The following TECRL variants were observed in gnomAD, a reference collection of about 807,000 sequenced individuals.
TECRL encodes trans-2,3-enoyl-CoA reductase-like.
In TECRL, 63 loss-of-function variants were observed where a neutral mutation model predicts 52.8. That is an observed-to-expected ratio of 1.19 (90% CI 0.97 to 1.47). The LOEUF (loss-of-function observed/expected upper bound fraction) is 1.47, where lower values mean the gene tolerates loss of function less well. TECRL is among the 40% of genes most tolerant of loss of function. The pLI is 0.00. For synonymous variants in TECRL, 164 were observed against 141.9 expected (o/e 1.16, Z -1.10); for missense variants, 482 against 429.6 (o/e 1.12, Z -1.08).
chr4:64,395,464 A>AT (rs1723877446), intron 1 of TECRL, among the ~76,000 whole-genome samples: 1 of 152,152 alleles, frequency 6.6e-6, no homozygotes, highest in African/African-American at 2.4e-5. Flanking sequence ...AATGTGTTAT[A>AT]TTTAAGTACA....
At chr4:64,367,827 G>T (rs1236400684) in intron 2 of TECRL, among the ~76,000 whole-genome samples, 1 of 151,986 alleles carries the variant, frequency 6.6e-6, no homozygotes, top group African/African-American at 2.4e-5. Flanking sequence ...TCACAAAAAT[G>T]CTTTCACTCT....
chr4:64,289,669 A>G (rs773222212), intron 9 of TECRL, 41 bp downstream of exon 9: 4 of 1,357,856 alleles, frequency 2.9e-6, no homozygotes, highest in Non-Finnish European at 4.0e-6. Flanking sequence ...AATTGTTAAC[A>G]TAATTCACTC....
intron 2 of TECRL, among the ~76,000 whole-genome samples, chr4:64,363,524 G>A (rs1721349745): frequency 6.6e-6 from 1 of 152,072 alleles, no homozygotes; most frequent in African/African-American, 2.4e-5. Context: ...TGCTGTGTCT[G>A]GTTTCCATTG....
intron 1 of TECRL, among the ~76,000 whole-genome samples, chr4:64,391,490 C>A (rs1327751366): frequency 6.6e-6 from 1 of 151,776 alleles, no homozygotes; most frequent in Non-Finnish European, 1.5e-5. Context: ...CTGTGTCTAC[C>A]CCATTAATAA....
At chr4:64,306,211 A>T (rs986405870) in intron 6 of TECRL, among the ~76,000 whole-genome samples, 2 of 152,070 alleles carry the variant, frequency 1.3e-5, no homozygotes, top group Non-Finnish European at 2.9e-5. Context: ...CTCCTACAAG[A>T]CTCAAAAGAC....
chr4:64,395,174 C>G (rs570520817), intron 1 of TECRL, among the ~76,000 whole-genome samples: 1 of 151,930 alleles, frequency 6.6e-6, no homozygotes, highest in Non-Finnish European at 1.5e-5. Flanking sequence ...CCTGTCTCAG[C>G]CCCCCAAATT....
intron 9 of TECRL, 117 bp from the exon 10 acceptor site, chr4:64,281,676 G>T: frequency 1.8e-6 from 1 of 567,374 alleles, no homozygotes; most frequent in Non-Finnish European, 3.1e-6. Flanking sequence ...ATGTCATCAC[G>T]TATTTATAGT....
In TECRL at chr4:64,282,233, A is replaced by G. The variant is rs572312251; in HGVS notation, c.833-674T>C. On this transcript the variant is annotated intron_variant, in intron 9 of 11. Transcript: ENST00000381210. ...CACTTGTTTTTAAGAAACATTTTAG[A>G]TAACAAATTTTTAATGATTTCAGGT... Among the ~76,000 whole-genome samples, 237 of 152,052 alleles carry G rather than the reference A, an allele frequency of 1.6e-3. 1 individual carries two copies. Among genetic ancestry groups the G allele is most frequent in the Admixed American group, 3.1e-3 (47 of 15,240 alleles).
chr4:64,345,929 A>AAAAAAAAAAAAAAAAAAAAAAAAAAT (rs1560516756), intron 2 of TECRL, among the ~76,000 whole-genome samples: 1 of 147,264 alleles, frequency 6.8e-6, no homozygotes, highest in African/African-American at 2.5e-5. Flanking sequence ...AAAAAAAAAA[A>AAAAAAAAAAAAAAAAAAAAAAAAAAT]AACATTTATC....
intron 2 of TECRL, among the ~76,000 whole-genome samples, chr4:64,356,599 T>G (rs1720790300): frequency 6.6e-6 from 1 of 152,160 alleles, no homozygotes; most frequent in South Asian, 2.1e-4. Flanking sequence ...TGACACAGAT[T>G]CCTTTGCTCA....
intron 2 of TECRL, among the ~76,000 whole-genome samples, chr4:64,333,397 C>T (rs1718791512): frequency 1.3e-5 from 2 of 151,612 alleles, no homozygotes; most frequent in South Asian, 2.1e-4. Flanking sequence ...TCTAAAGGAC[C>T]AATTTGAGAA....
chr4:64,326,987 C>T (rs1718309693), intron 3 of TECRL, among the ~76,000 whole-genome samples: 1 of 151,958 alleles, frequency 6.6e-6, no homozygotes, highest in African/African-American at 2.4e-5. Context: ...ATTGATGGAG[C>T]AACTAGCCTG....
intron 1 of TECRL, among the ~76,000 whole-genome samples, chr4:64,394,681 A>G (rs928022028): frequency 6.6e-6 from 1 of 152,158 alleles, no homozygotes; most frequent in Non-Finnish European, 1.5e-5. Context: ...CTTAACCACT[A>G]TACTACACTA....
At chr4:64,296,854 C>A (rs1329679288) in intron 8 of TECRL, among the ~76,000 whole-genome samples, 2 of 151,548 alleles carry the variant, frequency 1.3e-5, no homozygotes, top group East Asian at 1.9e-4. Context: ...AATAAGATTG[C>A]ATCTAAAATT....
At chr4:64,313,039 C>CT (rs1717162544) in intron 5 of TECRL, among the ~76,000 whole-genome samples, 1 of 152,050 alleles carries the variant, frequency 6.6e-6, no homozygotes, top group African/African-American at 2.4e-5. Context: ...TCAATTAAAT[C>CT]TTTTTTTCTT....
intron 1 of TECRL, among the ~76,000 whole-genome samples, chr4:64,406,555 C>T (rs1724742089): frequency 6.6e-6 from 1 of 151,792 alleles, no homozygotes. Flanking sequence ...ATAATTTTGT[C>T]CATATTATGG....
At chr4:64,366,406 A>G (rs1721600870) in intron 2 of TECRL, among the ~76,000 whole-genome samples, 1 of 152,130 alleles carries the variant, frequency 6.6e-6, no homozygotes, top group Non-Finnish European at 1.5e-5. Flanking sequence ...AGCAATGATT[A>G]ACAAATCTGA....
At chr4:64,315,039 TAACC>T (rs977327833) in intron 4 of TECRL, among the ~76,000 whole-genome samples, 2 of 152,184 alleles carry the variant, frequency 1.3e-5, no homozygotes, top group African/African-American at 4.8e-5. Flanking sequence ...TTTAATAAAC[TAACC>T]ATTATTAATA....
intron 4 of TECRL, among the ~76,000 whole-genome samples, chr4:64,318,065 C>T (rs1717629187): frequency 1.3e-5 from 2 of 152,094 alleles, no homozygotes; most frequent in Admixed American, 6.6e-5. Context: ...TAATACAGTT[C>T]ATTCATTTAG....
Sources: allele counts gnomAD v4.1 joint callset (sites outside exome capture counted in the v4.1 genomes callset), GRCh38; gene constraint gnomAD v4.1.1; transcripts MANE v1.5; gene names NCBI Gene and HGNC (gene_info 2026-07-23, HGNC 2026-07-21).